IPCEF1: variants seen among roughly 807,000 people sequenced by gnomAD.
IPCEF1 encodes the protein interaction protein for cytohesin exchange factors 1, also known as interactor protein for cytohesin exchange factors 1.
A neutral mutation model predicts 50.9 loss-of-function variants in IPCEF1; 31 were observed. That is an observed-to-expected ratio of 0.61 (90% CI 0.46 to 0.82). IPCEF1 has a LOEUF of 0.82. IPCEF1 is among the 40% of genes least tolerant of loss of function. The pLI is 0.00. For missense variants in IPCEF1, 458 were observed against 514.0 expected, an observed-to-expected ratio of 0.89 and a Z score of 1.05; for synonymous variants, 181 against 192.0, an observed-to-expected ratio of 0.94 and a Z score of 0.47.
At chr6:154,345,253 T>C (rs1241805772) in intron 1 of IPCEF1, among the ~76,000 whole-genome samples, 1 of 152,250 alleles carries the variant, frequency 6.6e-6, no homozygotes, top group African/African-American at 2.4e-5. Context: ...TATTTTCTAA[T>C]ACTTATTTTA....
intron 1 of IPCEF1, among the ~76,000 whole-genome samples, chr6:154,301,923 G>C (rs1782806670): frequency 6.6e-6 from 1 of 152,196 alleles, no homozygotes; most frequent in Non-Finnish European, 1.5e-5. Context: ...ATTTGGAATG[G>C]AATAAACAGC....
chr6:154,183,614 G>T (rs1165835987), intron 10 of IPCEF1, among the ~76,000 whole-genome samples: 1 of 152,172 alleles, frequency 6.6e-6, no homozygotes, highest in African/African-American at 2.4e-5. Context: ...TAAAAAGAAA[G>T]ATTGGGCTGG....
At chr6:154,262,406 A>T (rs1781623751) in intron 3 of IPCEF1, among the ~76,000 whole-genome samples, 1 of 152,220 alleles carries the variant, frequency 6.6e-6, no homozygotes, top group Non-Finnish European at 1.5e-5. Context: ...ATACTTGTAG[A>T]TGTAGAGACT....
rs1448877272 is a variant in IPCEF1, at chr6:154,155,019, A to C, written c.*4809T>G. ...TTCCCTTTTGGGCTAAAGGTTAAAA[A>C]AAAAAAATTCAAATACAATGAAGAA... On this transcript the variant is annotated 3_prime_UTR_variant, in exon 12 of 12. Transcript: ENST00000367220. The C allele has an allele frequency of 6.6e-6, 1 of 152,278 alleles. No homozygotes were observed. Among genetic ancestry groups the C allele is most frequent in the Non-Finnish European group, 1.5e-5 (1 of 68,040 alleles). The allele number at this position is 152,278 out of a possible 1,614,324, so 9.4% of individuals were successfully genotyped here.
rs955363658 is a variant in IPCEF1 at position 154,158,551 on chromosome 6, G to A, written c.*1277C>T. 1.3e-5 allele frequency: 2 copies of A among 152,072 alleles called. No homozygotes were observed. The highest frequency in any genetic ancestry group is 2.9e-5 in the Non-Finnish European group (2 of 67,996). 9.4% of individuals were successfully genotyped at this position (152,072 alleles called of 1,614,324 possible). A position where few individuals can be genotyped will look rare whatever the true frequency, so the allele number is the denominator to read the frequency against. On this transcript the variant is annotated 3_prime_UTR_variant, in exon 12 of 12. Transcript: ENST00000367220. The stretch of plus-strand genomic sequence containing the variant: ...TTAAAAGAGTGACTTACAAGAGATA[G>A]AAATCTAAATTTAAGAGCTCATGGG...
rs180974345 is a variant in IPCEF1, at chr6:154,256,427, A to G, written c.37-8939T>C. ...TAGGAGGGACACAAATATCCAGGCT[A>G]TGATAGAATTTAAATTTGCAGAATT... is the stretch of plus-strand genomic sequence containing the variant. On this transcript the variant is annotated intron_variant, in intron 3 of 11. Coordinates refer to ENST00000367220, the MANE Select transcript of IPCEF1 (RefSeq NM_001130700.2). 8.7e-4 allele frequency among the ~76,000 whole-genome samples: 133 copies of G among 152,288 alleles called. 3 individuals carry two copies. Among genetic ancestry groups the G allele is most frequent in the Admixed American group, 8.4e-3 (128 of 15,296 alleles).
intron 1 of IPCEF1, among the ~76,000 whole-genome samples, chr6:154,347,262 T>G (rs1784048884): frequency 6.6e-6 from 1 of 152,206 alleles, no homozygotes; most frequent in Non-Finnish European, 1.5e-5. Context: ...GACAGCTATA[T>G]ACTGGACGCT....
At chr6:154,174,712 CAAT>C (rs1326890528) in intron 10 of IPCEF1, among the ~76,000 whole-genome samples, 1 of 152,104 alleles carries the variant, frequency 6.6e-6, no homozygotes, top group Admixed American at 6.6e-5. Context: ...GACTCTCACA[CAAT>C]AATAATGGGA....
intron 1 of IPCEF1, among the ~76,000 whole-genome samples, chr6:154,302,544 A>C (rs1782823531): frequency 6.6e-6 from 1 of 152,082 alleles, no homozygotes; most frequent in Non-Finnish European, 1.5e-5. Flanking sequence ...GCATGAGCTC[A>C]GTTCACTGTA....
At chr6:154,227,942 C>T (rs1194334354) in intron 5 of IPCEF1, among the ~76,000 whole-genome samples, 1 of 151,262 alleles carries the variant, frequency 6.6e-6, no homozygotes, top group East Asian at 1.9e-4. Context: ...TATTCAAAAT[C>T]ACAGATAATT....
chr6:154,184,545 A>ATC lies in IPCEF1; in HGVS notation c.910+15122_910+15123insGA, dbSNP rs1475048006. Among the ~76,000 whole-genome samples the ATC allele has an allele frequency of 1.3e-4, 20 of 152,170 alleles. 1 individual carries two copies. The highest frequency in any genetic ancestry group is 3.3e-4 in the Admixed American group (5 of 15,280). ...TGTACATCTATGTATGTGTATGTAT[A>ATC]TATATATATGCGCATTGGTACATAG... is the stretch of plus-strand genomic sequence containing the variant. On this transcript the variant is annotated intron_variant, in intron 10 of 11. Coordinates refer to ENST00000367220, the MANE Select transcript of IPCEF1 (RefSeq NM_001130700.2).
At chr6:154,333,161 GT>G (rs1311454472) in intron 1 of IPCEF1, among the ~76,000 whole-genome samples, 10 of 152,126 alleles carry the variant, frequency 6.6e-5, no homozygotes, top group Non-Finnish European at 1.5e-4. Context: ...TCATTTAGTT[GT>G]TTTTTGTGAT....
chr6:154,239,632 G>C (rs939359500), intron 5 of IPCEF1, among the ~76,000 whole-genome samples: 4 of 152,142 alleles, frequency 2.6e-5, no homozygotes, highest in African/African-American at 9.7e-5. Flanking sequence ...CCTTTCTAAT[G>C]CAAATTCTAG....
chr6:154,278,011 T>C (rs1030886694), intron 2 of IPCEF1, among the ~76,000 whole-genome samples: 1 of 151,866 alleles, frequency 6.6e-6, no homozygotes, highest in Non-Finnish European at 1.5e-5. Context: ...CACCTTCCTC[T>C]CTCCCTCCTG....
chr6:154,221,532 C>T (rs560305235), intron 6 of IPCEF1, among the ~76,000 whole-genome samples: 6 of 152,302 alleles, frequency 3.9e-5, no homozygotes, highest in South Asian at 2.1e-4. Context: ...TATGTCAGAA[C>T]GTCCAGAACA....
intron 1 of IPCEF1, among the ~76,000 whole-genome samples, chr6:154,304,359 T>G (rs1782877326): frequency 6.6e-6 from 1 of 152,222 alleles, no homozygotes; most frequent in African/African-American, 2.4e-5. Flanking sequence ...TTTTCAGACT[T>G]TATTCATGTT....
In IPCEF1 at chr6:154,314,464, G is replaced by A. The variant is rs561536424; in HGVS notation, c.-61-24708C>T. ...TTTATATTACCAACAAAGATACTAA[G>A]AAAAAACTAGTGAAAATCAGGTCTA... On this transcript the variant is annotated intron_variant, in intron 1 of 11. Transcript: ENST00000367220. Among the ~76,000 whole-genome samples, 220 of 152,186 alleles carry A rather than the reference G, an allele frequency of 1.4e-3. 1 individual carries two copies. The highest frequency in any genetic ancestry group is 5.1e-3 in the African/African-American group (212 of 41,532).
intron 1 of IPCEF1, among the ~76,000 whole-genome samples, chr6:154,297,088 C>A (rs1018188138): frequency 3.9e-5 from 6 of 151,918 alleles, no homozygotes; most frequent in Admixed American, 3.3e-4. Context: ...CACTCTGTCA[C>A]CCAGCCTGGC....
chr6:154,255,139 T>C (rs1477211508), intron 3 of IPCEF1, among the ~76,000 whole-genome samples: 1 of 152,138 alleles, frequency 6.6e-6, no homozygotes, highest in Non-Finnish European at 1.5e-5. Context: ...CAAGTTTTCC[T>C]ATTTCTGGGA....
Sources: allele counts gnomAD v4.1 joint callset (sites outside exome capture counted in the v4.1 genomes callset), GRCh38; gene constraint gnomAD v4.1.1; transcripts MANE v1.5; gene names NCBI Gene and HGNC (gene_info 2026-07-23, HGNC 2026-07-21).